TOPAZ1: variants seen among roughly 807,000 people sequenced by gnomAD.
TOPAZ1 encodes protein TOPAZ1.
TOPAZ1 carries 66 observed loss-of-function variants against 172.2 expected under a neutral mutation model. The observed-to-expected ratio is 0.38, with a 90% confidence interval of 0.31 to 0.47. The LOEUF is 0.47. Ranked by LOEUF, TOPAZ1 falls within the 20% of genes least tolerant of loss-of-function variation. The pLI is 0.99. For synonymous variants in TOPAZ1, 681 were observed against 683.9 expected (o/e 1.00, Z 0.07); for missense variants, 1,822 against 1,972.4 (o/e 0.92, Z 1.44).
At chr3:44,266,890 T>A (rs1699835769) in intron 5 of TOPAZ1, 107 bp from the exon 6 acceptor site, 4 of 880,510 alleles carry the variant, frequency 4.5e-6, no homozygotes, top group Non-Finnish European at 6.3e-6. Flanking sequence ...TGTAAAAAAA[T>A]AAAAATAAAA....
chr3:44,327,559 T>C (rs1700613736), intron 18 of TOPAZ1, among the ~76,000 whole-genome samples: 1 of 152,210 alleles, frequency 6.6e-6, no homozygotes, highest in African/African-American at 2.4e-5. Flanking sequence ...CTTAGCACAA[T>C]GCCAGACATT....
chr3:44,332,652 T>C (rs1700683496), downstream of TOPAZ1, among the ~76,000 whole-genome samples: 1 of 152,204 alleles, frequency 6.6e-6, no homozygotes, highest in Non-Finnish European at 1.5e-5. Flanking sequence ...AAGTTAAAAC[T>C]CTTCTGAAGT....
intron 16 of TOPAZ1, among the ~76,000 whole-genome samples, chr3:44,317,432 T>C (rs1700463935): frequency 6.6e-6 from 1 of 152,042 alleles, no homozygotes; most frequent in Admixed American, 6.6e-5. Flanking sequence ...AAAAAATAAA[T>C]AAAAATAAAT....
intron 4 of TOPAZ1, 43 bp from the exon 5 acceptor site, chr3:44,262,376 A>G: frequency 3.7e-6 from 4 of 1,080,890 alleles, no homozygotes; most frequent in Non-Finnish European, 5.4e-6. Context: ...TATGTAATAC[A>G]GAGACCTTCA....
chr3:44,244,705 A>T lies in TOPAZ1; in HGVS notation c.2199A>T (p.Glu733Asp). The T allele has an allele frequency of 1.3e-6, 2 of 1,551,494 alleles. No homozygotes were observed. The highest frequency in any genetic ancestry group is 1.7e-6 in the Non-Finnish European group (2 of 1,146,960). ...ACGTAAGACAGAACAGGAGTAAAGAAAATGTCTCCATGATGATGTTAGGAC... is the reference window on the plus strand; with the variant it reads ...ACGTAAGACAGAACAGGAGTAAAGATAATGTCTCCATGATGATGTTAGGAC... The part of the protein sequence containing the change: ...GADVRQNRSK[E>D]NVSMMMLGPQ... Residue 733 changes from glutamate (E) to aspartate (D), a missense_variant, in exon 2 of 20, where the codon GAA (glutamate) becomes GAT (aspartate). Coordinates refer to ENST00000309765, the MANE Select transcript of TOPAZ1 (RefSeq NM_001145030.2).
At chr3:44,305,441 C>A in intron 14 of TOPAZ1, 120 bp downstream of exon 14, 1 of 772,316 alleles carries the variant, frequency 1.3e-6, no homozygotes, top group South Asian at 2.7e-5. Context: ...GCGGTCATAG[C>A]TCACCGCAGC....
Position 44,243,711 on chromosome 3 carries a change from T to C in TOPAZ1, c.1205T>C (p.Val402Ala), listed in dbSNP as rs760184668. Reference sequence around the variant, plus strand: ...CATTTATTAAGTGTCCCAGAAACAGTAGAAAAAGAAACAAGTTCTGAACAT... The same window carrying C: ...CATTTATTAAGTGTCCCAGAAACAGCAGAAAAAGAAACAAGTTCTGAACAT... ...MDHLLSVPET[V>A]EKETSSEHHV... The change falls in exon 2 of 20, where the codon GTA becomes GCA. Residue 402 changes from valine (V) to alanine (A), a missense_variant. This residue lies in a region of TOPAZ1 where 1,489 missense variants were observed against 1,490.8 expected (regional missense o/e 1.00). Transcript: ENST00000309765. The C allele has an allele frequency of 5.7e-5, 88 of 1,550,450 alleles. No individual in the cohort carries two copies. The African/African-American group carries it at 1.1e-3, about 19-fold the overall frequency.
At chr3:44,275,045 T>C (rs1559533824) in intron 8 of TOPAZ1, among the ~76,000 whole-genome samples, 1 of 151,932 alleles carries the variant, frequency 6.6e-6, no homozygotes, top group African/African-American at 2.4e-5. Flanking sequence ...ATACATAAAA[T>C]TTATTATTAT....
At chr3:44,318,098 G>A (rs753862088) in intron 16 of TOPAZ1, among the ~76,000 whole-genome samples, 125 of 152,230 alleles carry the variant, frequency 8.2e-4, no homozygotes, top group Non-Finnish European at 1.4e-3. Flanking sequence ...CCTGTGGCCC[G>A]GGGTGATGAA....
At chr3:44,291,186 G>A (rs1700133332) in intron 12 of TOPAZ1, among the ~76,000 whole-genome samples, 1 of 151,612 alleles carries the variant, frequency 6.6e-6, no homozygotes, top group African/African-American at 2.4e-5. Flanking sequence ...TCTTATATGT[G>A]TACAAATTAC....
At chr3:44,331,191 C>T (rs757830649) in intron 19 of TOPAZ1, among the ~76,000 whole-genome samples, 24 of 152,128 alleles carry the variant, frequency 1.6e-4, no homozygotes, top group Non-Finnish European at 3.1e-4. Context: ...AACTGGGTTG[C>T]AGACTATTTG....
chr3:44,246,268 A>AT (rs34192913), intron 2 of TOPAZ1, among the ~76,000 whole-genome samples: 51,839 of 152,024 alleles, frequency 0.34, 9,526 homozygotes, highest in African/African-American at 0.43. Flanking sequence ...TTGGCCCCAA[A>AT]TTGATTTAAT....
Position 44,328,530 on chromosome 3 carries a change from T to C in TOPAZ1, c.4859+97T>C, listed in dbSNP as rs551966541. Reference sequence around the variant, plus strand: ...TGTTTTATGTGTTTTTATACATACATATATATTTATGTATATATTTATATA... The same window carrying C: ...TGTTTTATGTGTTTTTATACATACACATATATTTATGTATATATTTATATA... On this transcript the variant is annotated intron_variant, in intron 19 of 19. Transcript: ENST00000309765. 3.7e-4 allele frequency: 212 copies of C among 566,088 alleles called. 3 individuals are homozygous for C. The South Asian group carries it at 6.1e-3, about 16-fold the overall frequency. 35.1% of individuals were successfully genotyped at this position (566,088 alleles called of 1,614,324 possible). A position where few individuals can be genotyped will look rare whatever the true frequency, so the allele number is the denominator to read the frequency against.
At chr3:44,256,058 C>A in intron 3 of TOPAZ1, 93 bp from the exon 4 acceptor site, 1 of 923,180 alleles carries the variant, frequency 1.1e-6, no homozygotes, top group Non-Finnish European at 1.6e-6. Context: ...TTAAAAGAGC[C>A]TCTGAATTCT....
At position 44,281,971 on chromosome 3, in the gene TOPAZ1, T is replaced by G. The variant is rs938741263; in HGVS notation, c.3376T>G (p.Cys1126Gly). 4.9e-5 allele frequency: 75 copies of G among 1,545,060 alleles called. No individual in the cohort carries two copies. Among genetic ancestry groups the G allele is most frequent in the Non-Finnish European group, 6.4e-5 (73 of 1,143,170 alleles). The change falls in exon 9 of 20, where the codon TGC becomes GGC. Residue 1126 changes from cysteine to glycine, a missense_variant. Around this residue, in one of 2 missense-constraint regions of TOPAZ1, gnomAD observed 1,489 missense variants for 1,490.8 expected, o/e 1.00. Coordinates refer to ENST00000309765, the MANE Select transcript of TOPAZ1 (RefSeq NM_001145030.2). ...ACATTTTTCGTGACTTTTGCAGGTT[T>G]GCATGGATGTGTTTAAGAAATATAT... ...HVPEQGDEKV[C>G]MDVFKKYINI...
In TOPAZ1 at chr3:44,244,813, T is replaced by A. The variant is rs775374791; in HGVS notation, c.2307T>A (p.Ile769=). The change falls in exon 2 of 20, where the codon ATT becomes ATA. Residue 769 remains isoleucine, a synonymous_variant. Transcript: ENST00000309765. ...DSFYNKKSYS[I]SPSFTKQGNN... is the part of the protein sequence containing the mutation. The stretch of plus-strand genomic sequence containing the variant: ...TCTACAATAAGAAATCCTATAGTAT[T>A]TCTCCAAGCTTTACAAAGCAAGGTA... The A allele has an allele frequency of 6.4e-7, 1 of 1,551,614 alleles. No homozygotes were observed.
At position 44,302,985 on chromosome 3, in the gene TOPAZ1, G is replaced by C. The variant is rs544291827; in HGVS notation, c.3798-1030G>C. On this transcript the variant is annotated intron_variant, in intron 12 of 19. Coordinates refer to ENST00000309765, the MANE Select transcript of TOPAZ1 (RefSeq NM_001145030.2). ...AGTCTCCCACGTAGCTGGTACTACA[G>C]GTGCATGCCACCACACCCAGCTAAT... Among the ~76,000 whole-genome samples, 164 of 152,166 alleles carry C rather than the reference G, an allele frequency of 1.1e-3. 1 individual carries two copies. Among genetic ancestry groups the C allele is most frequent in the African/African-American group, 3.9e-3 (162 of 41,502 alleles).
At chr3:44,331,572 C>G (rs564217304) in intron 19 of TOPAZ1, among the ~76,000 whole-genome samples, 174 of 152,272 alleles carry the variant, frequency 1.1e-3, no homozygotes, top group Non-Finnish European at 2.1e-3. Context: ...AGCGATCCCC[C>G]CAACCTGAGC....
At chr3:44,268,952 G>A (rs1184507566) in intron 6 of TOPAZ1, among the ~76,000 whole-genome samples, 1 of 152,092 alleles carries the variant, frequency 6.6e-6, no homozygotes, top group African/African-American at 2.4e-5. Context: ...GCCCAATGCT[G>A]CTATGTGAGG....
Sources: allele counts gnomAD v4.1 joint callset (sites outside exome capture counted in the v4.1 genomes callset), GRCh38; gene constraint gnomAD v4.1.1; regional missense constraint gnomAD v4.1.1; transcripts MANE v1.5; gene names NCBI Gene and HGNC (gene_info 2026-07-23, HGNC 2026-07-21).